DTNA: variants seen among roughly 807,000 people sequenced by gnomAD.
The protein encoded by DTNA is dystrophin-related protein 3.
Under a neutral mutation model 100.7 loss-of-function variants are expected in DTNA, and 43 were observed. The ratio of observed to expected loss-of-function variants is 0.43; its 90% CI spans 0.33 to 0.55. The LOEUF is 0.55. Among genes scored for constraint, DTNA ranks in the 20% least tolerant of loss-of-function variants. DTNA has a pLI of 0.04. For missense variants in DTNA, 798 were observed against 953.9 expected, an observed-to-expected ratio of 0.84 and a Z score of 2.15; for synonymous variants, 349 against 347.9, an observed-to-expected ratio of 1.00 and a Z score of -0.04.
chr18:34,869,627 A>G (rs1051783064), intron 17 of DTNA, among the ~76,000 whole-genome samples: 1 of 152,244 alleles, frequency 6.6e-6, no homozygotes, highest in African/African-American at 2.4e-5. Context: ...GATGTTCTAT[A>G]TGAGTGCAAT....
chr18:34,792,836 A>G (rs937194268), intron 3 of DTNA, among the ~76,000 whole-genome samples: 1 of 152,180 alleles, frequency 6.6e-6, no homozygotes, highest in Non-Finnish European at 1.5e-5. Flanking sequence ...AATGATTTTA[A>G]TATTTTGAAT....
chr18:34,605,011 GT>G (rs146975151), intron 1 of DTNA, among the ~76,000 whole-genome samples: 3 of 150,236 alleles, frequency 2.0e-5, no homozygotes, highest in African/African-American at 4.9e-5. Context: ...TTTGTCTTTT[GT>G]TTTTTTTAAC....
chr18:34,715,504 A>G (rs1037149056), intron 1 of DTNA, among the ~76,000 whole-genome samples: 1 of 151,934 alleles, frequency 6.6e-6, no homozygotes, highest in African/African-American at 2.4e-5. Context: ...TAAATAAACA[A>G]TATTTTATAT....
intron 3 of DTNA, among the ~76,000 whole-genome samples, chr18:34,786,339 A>G (rs558921446): frequency 4.6e-5 from 7 of 152,358 alleles, no homozygotes; most frequent in African/African-American, 1.7e-4. Flanking sequence ...CTAATCAGAA[A>G]TACTACCTGA....
chr18:34,552,210 G>A (rs2045501065), intron 1 of DTNA, among the ~76,000 whole-genome samples: 1 of 151,814 alleles, frequency 6.6e-6, no homozygotes, highest in Non-Finnish European at 1.5e-5. Context: ...TCCCAACTTT[G>A]CCTTTTAATC....
At chr18:34,796,484 G>A (rs953119535) in intron 4 of DTNA, among the ~76,000 whole-genome samples, 2 of 152,210 alleles carry the variant, frequency 1.3e-5, no homozygotes, top group Admixed American at 6.5e-5. Flanking sequence ...AGAACCGTCT[G>A]TATTTTGGCA....
intron 1 of DTNA, among the ~76,000 whole-genome samples, chr18:34,612,083 C>T (rs751166509): frequency 2.1e-4 from 32 of 152,330 alleles, no homozygotes; most frequent in Non-Finnish European, 3.5e-4. Context: ...CACGGGCCAC[C>T]GCGCGTGAGC....
At chr18:34,879,323 CTCA>C (rs1188426107) in intron 19 of DTNA, among the ~76,000 whole-genome samples, 1 of 152,084 alleles carries the variant, frequency 6.6e-6, no homozygotes, top group Non-Finnish European at 1.5e-5. Context: ...GCAAAAATTC[CTCA>C]TAACATTTCT....
intron 1 of DTNA, among the ~76,000 whole-genome samples, chr18:34,578,245 A>G (rs1184870929): frequency 6.6e-6 from 1 of 151,912 alleles, no homozygotes; most frequent in Non-Finnish European, 1.5e-5. Flanking sequence ...GCATTTTTAC[A>G]TATGTTTGTT....
At chr18:34,820,571 T>C (rs953628171) in intron 8 of DTNA, among the ~76,000 whole-genome samples, 3 of 152,192 alleles carry the variant, frequency 2.0e-5, no homozygotes, top group African/African-American at 4.8e-5. Context: ...CCATGCACAA[T>C]GCCTGCTTCC....
At position 34,889,122 on chromosome 18, in the gene DTNA, A is replaced by G. The variant is rs943968767; in HGVS notation, c.*1388A>G. The G allele has an allele frequency of 1.0e-6, 1 of 971,964 alleles. No homozygotes were observed. Among genetic ancestry groups the G allele is most frequent in the Admixed American group, 6.4e-5 (1 of 15,688 alleles). The allele number at this position is 971,964 out of a possible 1,614,324, so 60.2% of individuals were successfully genotyped here. A position where few individuals can be genotyped will look rare whatever the true frequency, so the allele number is the denominator to read the frequency against. On this transcript the variant is annotated 3_prime_UTR_variant, in exon 23 of 23. Coordinates refer to ENST00000444659, the MANE Select transcript of DTNA (RefSeq NM_001386795.1). ...AAAAAGTAATCTTCTACTTGCTTCA[A>G]GATTTGATTTTTTTAAAAAAGCCTG... is the stretch of plus-strand genomic sequence containing the variant.
intron 17 of DTNA, among the ~76,000 whole-genome samples, chr18:34,865,365 CTTT>C (rs772568631): frequency 1.3e-5 from 2 of 150,180 alleles, no homozygotes; most frequent in Non-Finnish European, 3.0e-5. Flanking sequence ...CTCTTTCCTT[CTTT>C]GTTTTATTTT....
chr18:34,528,097 G>C (rs957243814), intron 1 of DTNA, among the ~76,000 whole-genome samples: 2 of 151,990 alleles, frequency 1.3e-5, no homozygotes, highest in Non-Finnish European at 2.9e-5. Flanking sequence ...CCATGCTTCT[G>C]TTTTTAAAAC....
At chr18:34,865,486 TG>T (rs2096688247) in intron 17 of DTNA, among the ~76,000 whole-genome samples, 1 of 152,188 alleles carries the variant, frequency 6.6e-6, no homozygotes, top group Non-Finnish European at 1.5e-5. Flanking sequence ...CAATTGGTAT[TG>T]GGAATACTTT....
intron 1 of DTNA, among the ~76,000 whole-genome samples, chr18:34,580,959 G>A (rs9964484): frequency 2.0e-5 from 3 of 152,084 alleles, no homozygotes; most frequent in African/African-American, 7.2e-5. Flanking sequence ...TTGAAAGTGT[G>A]TTAAGGCTGG....
chr18:34,689,445 C>A (rs935718920), intron 1 of DTNA, among the ~76,000 whole-genome samples: 1 of 152,138 alleles, frequency 6.6e-6, no homozygotes, highest in Non-Finnish European at 1.5e-5. Flanking sequence ...CCACTCCAGA[C>A]CCTGTTTTCC....
At chr18:34,821,115 T>A in intron 9 of DTNA, 200 bp downstream of exon 9, 4 of 731,588 alleles carry the variant, frequency 5.5e-6, no homozygotes, top group Non-Finnish European at 9.6e-6. Context: ...ACAAGTAAAG[T>A]ATGCAACACT....
rs560734868 is a variant in DTNA, at chr18:34,668,349, A to G, written c.-1-87627A>G. ...TTATTAGTCTTGCTAGCGGTCTATC[A>G]ATTTTGTTGATCTTTTCAAAAAACC... is the stretch of plus-strand genomic sequence containing the variant. On this transcript the variant is annotated intron_variant, in intron 1 of 19. Coordinates refer to the DTNA transcript ENST00000283365. Among the ~76,000 whole-genome samples, 300 of 151,792 alleles carry G rather than the reference A, an allele frequency of 2.0e-3. 2 individuals carry two copies. The highest frequency in any genetic ancestry group is 6.8e-3 in the African/African-American group (281 of 41,404).
intron 1 of DTNA, among the ~76,000 whole-genome samples, chr18:34,552,168 A>G (rs569519243): frequency 3.6e-4 from 55 of 152,078 alleles, no homozygotes; most frequent in African/African-American, 1.2e-3. Context: ...ATATTTTTCC[A>G]TCGTTACTTT....
Sources: allele counts gnomAD v4.1 joint callset (sites outside exome capture counted in the v4.1 genomes callset), GRCh38; gene constraint gnomAD v4.1.1; transcripts MANE v1.5; gene names NCBI Gene and HGNC (gene_info 2026-07-23, HGNC 2026-07-21).